Variants in NRG1 observed in about 807,000 individuals in gnomAD.
NRG1 encodes the protein pro-neuregulin-1, membrane-bound isoform.
In NRG1, 18 loss-of-function variants were observed where a neutral mutation model predicts 63.8. The observed-to-expected ratio is 0.28, with a 90% CI of 0.19 to 0.42. The LOEUF (loss-of-function observed/expected upper bound fraction) is 0.42. Among genes scored for constraint, NRG1 ranks in the 10% least tolerant of loss-of-function variants. The pLI is 1.00. For missense variants in NRG1, 762 were observed against 814.7 expected (o/e 0.94, Z 0.79); for synonymous variants, 302 against 301.3 (o/e 1.00, Z -0.02).
intron 1 of NRG1, among the ~76,000 whole-genome samples, chr8:32,374,399 A>T (rs1809346704): frequency 1.3e-5 from 2 of 152,210 alleles, no homozygotes. Context: ...ATGACTCCTT[A>T]TGGAAAGGGA....
chr8:31,903,148 C>T (rs1238873994), intron 1 of NRG1, among the ~76,000 whole-genome samples: 2 of 125,490 alleles, frequency 1.6e-5, no homozygotes, highest in African/African-American at 3.0e-5. Flanking sequence ...GAGCCTTCAA[C>T]TTTTTTTTTT....
At chr8:32,067,356 A>G (rs1414377729) in intron 1 of NRG1, among the ~76,000 whole-genome samples, 2 of 152,148 alleles carry the variant, frequency 1.3e-5, no homozygotes, top group Non-Finnish European at 2.9e-5. Flanking sequence ...ATTTTGAGGT[A>G]CGTCCCATCA....
intron 1 of NRG1, among the ~76,000 whole-genome samples, chr8:32,464,474 G>A (rs1186780584): frequency 6.6e-6 from 1 of 152,018 alleles, no homozygotes; most frequent in Non-Finnish European, 1.5e-5. Context: ...CAAAATTAAA[G>A]TCCTTGTCCA....
At chr8:31,844,924 T>G (rs936601474) in intron 1 of NRG1, among the ~76,000 whole-genome samples, 35 of 151,850 alleles carry the variant, frequency 2.3e-4, no homozygotes, top group African/African-American at 8.0e-4. Context: ...CTGGCCAACA[T>G]GGTGAAACCA....
At chr8:32,415,008 A>G (rs1430860874) in intron 1 of NRG1, among the ~76,000 whole-genome samples, 1 of 152,184 alleles carries the variant, frequency 6.6e-6, no homozygotes, top group Non-Finnish European at 1.5e-5. Context: ...GTTTTATTTC[A>G]AAGTCACATG....
At chr8:32,602,855 T>G (rs1844614548) in intron 2 of NRG1, among the ~76,000 whole-genome samples, 1 of 152,198 alleles carries the variant, frequency 6.6e-6, no homozygotes, top group Non-Finnish European at 1.5e-5. Flanking sequence ...ATGATCAAAG[T>G]AGATATATAG....
chr8:31,853,397 A>G (rs1299822759), intron 1 of NRG1, among the ~76,000 whole-genome samples: 1 of 150,176 alleles, frequency 6.7e-6, no homozygotes, highest in Non-Finnish European at 1.5e-5. Flanking sequence ...TTCACTCATG[A>G]TTTGGCTCTC....
At chr8:31,659,289 A>C (rs1805733942) in intron 1 of NRG1, among the ~76,000 whole-genome samples, 1 of 152,198 alleles carries the variant, frequency 6.6e-6, no homozygotes, top group South Asian at 2.1e-4. Context: ...GAGAAAGAAA[A>C]AAAACAACTT....
chr8:31,858,407 C>A lies in NRG1; in HGVS notation c.37+218976C>A, dbSNP rs191306387. ...GGTGAAAAAGCTTGATAAGTGGATGCCTCATGAGCTGAGAGAAAATTAAAA... is the reference window on the plus strand; with the variant it reads ...GGTGAAAAAGCTTGATAAGTGGATGACTCATGAGCTGAGAGAAAATTAAAA... On this transcript the variant is annotated intron_variant, in intron 1 of 10. Transcript: ENST00000519301. 3.9e-5 allele frequency among the ~76,000 whole-genome samples: 6 copies of A among 152,148 alleles called. No homozygotes were observed. In the East Asian group the frequency reaches 1.2e-3, roughly 29 times the overall value.
At chr8:31,729,922 A>G (rs1032145582) in intron 1 of NRG1, among the ~76,000 whole-genome samples, 1 of 152,150 alleles carries the variant, frequency 6.6e-6, no homozygotes, top group African/African-American at 2.4e-5. Context: ...GAGGAGCCCA[A>G]TTCTTTCTCT....
rs377028936 is a variant in NRG1, at chr8:31,665,513, G to A, written c.37+26082G>A. 1.4e-4 allele frequency among the ~76,000 whole-genome samples: 21 copies of A among 152,182 alleles called. 1 individual carries two copies. The East Asian group carries it at 3.1e-3, about 22-fold the overall frequency. On this transcript the variant is annotated intron_variant, in intron 1 of 10. Transcript: ENST00000519301. The stretch of plus-strand genomic sequence containing the variant: ...ATTGAAGGAATTTCAGGCAGAGAAT[G>A]AGGTCAGCCAAACTATGTTTTAGAG...
At chr8:31,951,713 C>G (rs1803491989) in intron 1 of NRG1, among the ~76,000 whole-genome samples, 1 of 152,096 alleles carries the variant, frequency 6.6e-6, no homozygotes, top group Admixed American at 6.6e-5. Context: ...TGCCACTTCC[C>G]CTGGGATGGT....
At chr8:32,475,263 G>A (rs1232374549) in intron 1 of NRG1, among the ~76,000 whole-genome samples, 1 of 151,744 alleles carries the variant, frequency 6.6e-6, no homozygotes. Flanking sequence ...TCAAGAGATC[G>A]AGACCATCCT....
intron 3 of NRG1, among the ~76,000 whole-genome samples, chr8:32,606,974 C>G (rs756514962): frequency 6.6e-6 from 1 of 152,104 alleles, no homozygotes; most frequent in Non-Finnish European, 1.5e-5. Flanking sequence ...ATGCCTCATC[C>G]TCTCTGGACT....
chr8:32,516,990 A>T (rs997464825), intron 1 of NRG1, among the ~76,000 whole-genome samples: 14 of 48,314 alleles, frequency 2.9e-4, no homozygotes, highest in African/African-American at 7.5e-4. Context: ...TGACTTTATT[A>T]AGGATCTCTG....
At chr8:32,014,723 C>A (rs569341684) in intron 1 of NRG1, among the ~76,000 whole-genome samples, 132 of 150,808 alleles carry the variant, frequency 8.8e-4, no homozygotes, top group African/African-American at 2.1e-3. Context: ...CAACCCCCCC[C>A]CAAAAAAGAT....
At chr8:32,040,414 C>T (rs1819754153) in intron 1 of NRG1, among the ~76,000 whole-genome samples, 1 of 152,028 alleles carries the variant, frequency 6.6e-6, no homozygotes. Context: ...CAACTCATGA[C>T]TTAGTTAAGC....
intron 3 of NRG1, among the ~76,000 whole-genome samples, chr8:32,611,763 G>T (rs1846399993): frequency 6.6e-6 from 1 of 151,952 alleles, no homozygotes; most frequent in Admixed American, 6.6e-5. Flanking sequence ...TATAAGTTTG[G>T]TAAAAAAGTC....
intron 1 of NRG1, among the ~76,000 whole-genome samples, chr8:32,323,953 TCA>T (rs964039643): frequency 6.6e-6 from 1 of 152,170 alleles, no homozygotes; most frequent in African/African-American, 2.4e-5. Context: ...ATGTTTCCTA[TCA>T]CACATCTTCC....
Sources: allele counts gnomAD v4.1 joint callset (sites outside exome capture counted in the v4.1 genomes callset), GRCh38; gene constraint gnomAD v4.1.1; transcripts MANE v1.5; gene names NCBI Gene and HGNC (gene_info 2026-07-23, HGNC 2026-07-21).